MRC2: variants seen among roughly 807,000 people sequenced by gnomAD.
The protein encoded by MRC2 is mannose receptor C-type 2.
In MRC2, 84 loss-of-function variants were observed where a neutral mutation model predicts 206.2. The observed-to-expected ratio is 0.41, with a 90% confidence interval of 0.34 to 0.49. The LOEUF is 0.49. Among genes scored for constraint, MRC2 ranks in the 20% least tolerant of loss-of-function variants. MRC2 has a pLI of 0.31. For missense variants in MRC2, 1,676 were observed against 2,001.5 expected (o/e 0.84, Z 3.10); for synonymous variants, 798 against 800.0 (o/e 1.00, Z 0.04).
intron 1 of MRC2, 86 bp downstream of exon 1, chr17:62,628,006 TCC>T (rs552252930): frequency 1.1e-6 from 1 of 872,894 alleles, no homozygotes; most frequent in Admixed American, 4.2e-5. Context: ...TCCCTCCTTT[TCC>T]CCCCTCTTTT....
chr17:62,629,419 G>T (rs1419320275), intron 1 of MRC2, among the ~76,000 whole-genome samples: 2 of 152,230 alleles, frequency 1.3e-5, no homozygotes, highest in African/African-American at 4.8e-5. Context: ...GACGCCTGGA[G>T]TGTCCCTCCT....
At position 62,681,083 on chromosome 17, in the gene MRC2, C is replaced by CA; in HGVS notation, c.2657dup (p.His886GlnfsTer10). Reference sequence around the variant, plus strand: ...CCAGTTCTCCCGGGCCCAGGAGCAGCACTGGTGGATCGGCCTGCACACCTC... The same window carrying CA: ...CCAGTTCTCCCGGGCCCAGGAGCAGCAACTGGTGGATCGGCCTGCACACCTC... On this transcript the variant is annotated frameshift_variant, in exon 18 of 30. Transcript: ENST00000303375. LOFTEE classifies it high-confidence loss of function. 1 of 1,613,592 alleles carries CA rather than the reference C, an allele frequency of 6.2e-7. No individual in the cohort carries two copies. Among genetic ancestry groups the CA allele is most frequent in the Non-Finnish European group, 8.5e-7 (1 of 1,180,002 alleles).
chr17:62,641,949 T>A (rs2088410243), intron 1 of MRC2, among the ~76,000 whole-genome samples: 1 of 152,060 alleles, frequency 6.6e-6, no homozygotes, highest in Non-Finnish European at 1.5e-5. Flanking sequence ...CTTTGAAAGT[T>A]AGTTATAGAC....
intron 12 of MRC2, among the ~76,000 whole-genome samples, chr17:62,678,260 G>A (rs949364822): frequency 4.6e-5 from 7 of 152,208 alleles, no homozygotes; most frequent in Admixed American, 4.6e-4. Flanking sequence ...TGGCTCTGCT[G>A]GGATTAGAGC....
Position 62,680,512 on chromosome 17 carries a change from G to A in MRC2, c.2473+59G>A. On this transcript the variant is annotated intron_variant, in intron 16 of 29. Transcript: ENST00000303375. This position sits in a 1 kb window ranked among gnomAD's most constrained non-coding sequence, Gnocchi z 4.8. ...GCGTGGGAGAGGGCGTCAACTCTGGGGTAAGTCCCGAGAGGCCTGAATGAA... is the reference window on the plus strand; with the variant it reads ...GCGTGGGAGAGGGCGTCAACTCTGGAGTAAGTCCCGAGAGGCCTGAATGAA... 6.2e-7 allele frequency: 1 copy of A among 1,604,738 alleles called. No individual in the cohort carries two copies. Among genetic ancestry groups the A allele is most frequent in the South Asian group, 1.1e-5 (1 of 90,612 alleles).
At chr17:62,668,867 G>A (rs567920470) in intron 6 of MRC2, among the ~76,000 whole-genome samples, 117 of 152,330 alleles carry the variant, frequency 7.7e-4, no homozygotes, top group African/African-American at 2.7e-3. Context: ...CCCTGGGCAA[G>A]CAGCTTAGTC....
At position 62,667,855 on chromosome 17, in the gene MRC2, T is replaced by A. The variant is rs1357622263; in HGVS notation, c.1117+322T>A. ...CAGGTCATGAGTGATTATAGAAATATGGATCAGTGTTAGAGGAGCATAGAG... is the reference window on the plus strand; with the variant it reads ...CAGGTCATGAGTGATTATAGAAATAAGGATCAGTGTTAGAGGAGCATAGAG... On this transcript the variant is annotated intron_variant, in intron 6 of 29. Coordinates refer to ENST00000303375, the MANE Select transcript of MRC2 (RefSeq NM_006039.5). This position sits in a 1 kb window ranked among gnomAD's most constrained non-coding sequence, Gnocchi z 4.1. 6.6e-6 allele frequency among the ~76,000 whole-genome samples: 1 copy of A among 152,218 alleles called. No homozygotes were observed. The highest frequency in any genetic ancestry group is 1.5e-5 in the Non-Finnish European group (1 of 68,046).
At chr17:62,677,123 G>A (rs369191018) in intron 11 of MRC2, 146 bp from the exon 12 acceptor site, 3 of 659,698 alleles carry the variant, frequency 4.5e-6, no homozygotes, top group East Asian at 2.8e-5. Context: ...CCTCCCTCCT[G>A]GCTCCAACCC....
In MRC2 at chr17:62,664,871, G is replaced by A. The variant is rs2088729040; in HGVS notation, c.442G>A (p.Glu148Lys). The A allele has an allele frequency of 1.9e-6, 3 of 1,613,590 alleles. No homozygotes were observed. The highest frequency in any genetic ancestry group is 1.3e-5 in the African/African-American group (1 of 74,954). ...TSNISKPGTLERGDQTRSGQW... is the reference protein window; with the variant it reads ...TSNISKPGTLKRGDQTRSGQW... The stretch of plus-strand genomic sequence containing the variant: ...CAACATATCCAAGCCTGGCACCCTT[G>A]AGCGTGGTGACCAGACCCGCAGTGG... Residue 148 changes from glutamate to lysine, a missense_variant, in exon 2 of 30, where the codon GAG becomes AAG. Coordinates refer to ENST00000303375, the MANE Select transcript of MRC2 (RefSeq NM_006039.5). The surrounding 1 kb of genome is among the most constrained non-coding windows in gnomAD (Gnocchi z 4.7).
At chr17:62,638,354 AT>A (rs2088353125) in intron 1 of MRC2, among the ~76,000 whole-genome samples, 1 of 152,212 alleles carries the variant, frequency 6.6e-6, no homozygotes, top group African/African-American at 2.4e-5. Flanking sequence ...CTAGAAAAAA[AT>A]TCCAGAAGTG....
chr17:62,680,117 G>A lies in MRC2; in HGVS notation c.2299-53G>A. On this transcript the variant is annotated intron_variant, in intron 14 of 29. Transcript: ENST00000303375. This position sits in a 1 kb window ranked among gnomAD's most constrained non-coding sequence, Gnocchi z 4.8. ...TTGTTCACCTGTTCCGGGCATGGGG[G>A]CGGCCTGCACCTTGCGCCTCACGTT... 6.2e-7 allele frequency: 1 copy of A among 1,608,716 alleles called. No homozygotes were observed. Among genetic ancestry groups the A allele is most frequent in the Non-Finnish European group, 8.5e-7 (1 of 1,176,852 alleles).
intron 28 of MRC2, among the ~76,000 whole-genome samples, chr17:62,691,822 G>C (rs2089115523): frequency 6.7e-6 from 1 of 148,680 alleles, no homozygotes; most frequent in African/African-American, 2.5e-5. Context: ...TGCTAGTGAA[G>C]CTAGTAAAGA....
chr17:62,658,556 C>T (rs1157538481), intron 1 of MRC2, among the ~76,000 whole-genome samples: 1 of 152,208 alleles, frequency 6.6e-6, no homozygotes, highest in Non-Finnish European at 1.5e-5. Context: ...TCCCGACTAA[C>T]CTGGACCTCT....
chr17:62,641,680 G>A (rs1450085642), intron 1 of MRC2, among the ~76,000 whole-genome samples: 1 of 152,168 alleles, frequency 6.6e-6, no homozygotes, highest in Non-Finnish European at 1.5e-5. Context: ...GTAACACAGA[G>A]GTGGACGAAT....
chr17:62,677,496 C>G lies in MRC2; in HGVS notation c.2052+10C>G, dbSNP rs2088909023. 5.7e-6 allele frequency: 9 copies of G among 1,583,784 alleles called. No homozygotes were observed. The highest frequency in any genetic ancestry group is 7.8e-6 in the Non-Finnish European group (9 of 1,159,316). ...CCGGTATTGCTATAAGGTAGGGCAG[C>G]CTGTTGGCCGGGTAGGGGGCAGGGG... On this transcript the variant is annotated intron_variant, in intron 12 of 29. Coordinates refer to ENST00000303375, the MANE Select transcript of MRC2 (RefSeq NM_006039.5).
At chr17:62,650,402 C>T (rs568102112) in intron 1 of MRC2, among the ~76,000 whole-genome samples, 4 of 152,228 alleles carry the variant, frequency 2.6e-5, no homozygotes, top group Admixed American at 6.5e-5. Flanking sequence ...TGGCTGGCAC[C>T]CTGCAGGCAT....
intron 1 of MRC2, among the ~76,000 whole-genome samples, chr17:62,647,186 C>CTTTTTT (rs34733419): frequency 7.3e-6 from 1 of 136,366 alleles, no homozygotes; most frequent in Non-Finnish European, 1.5e-5. Flanking sequence ...TTTTCTTTTT[C>CTTTTTT]TTTTTTTTTT....
intron 28 of MRC2, 105 bp downstream of exon 28, chr17:62,691,233 G>A: frequency 4.4e-6 from 6 of 1,352,300 alleles, no homozygotes; most frequent in Non-Finnish European, 6.0e-6. Context: ...CAGCCGATGG[G>A]AAGGCCTGAA....
At chr17:62,676,638 G>A in intron 11 of MRC2, 107 bp downstream of exon 11, 2 of 1,382,162 alleles carry the variant, frequency 1.4e-6, no homozygotes, top group Non-Finnish European at 2.0e-6. Flanking sequence ...GATCATTGGT[G>A]CACTGTGGTG....
Sources: allele counts gnomAD v4.1 joint callset (sites outside exome capture counted in the v4.1 genomes callset), GRCh38; gene constraint gnomAD v4.1.1; non-coding constraint Gnocchi (gnomAD v3.1); transcripts MANE v1.5; gene names NCBI Gene and HGNC (gene_info 2026-07-23, HGNC 2026-07-21).